MRPS27: variants seen among roughly 807,000 people sequenced by gnomAD.
MRPS27 encodes the protein small ribosomal subunit protein mS27.
In MRPS27, 43 loss-of-function variants were observed where a neutral mutation model predicts 48.9. That is an observed-to-expected ratio of 0.88 (90% confidence interval 0.69 to 1.13). The LOEUF (loss-of-function observed/expected upper bound fraction) is 1.13. MRPS27 is among the 50% of genes most tolerant of loss of function. The pLI is 0.00. For missense variants in MRPS27, 467 were observed against 476.3 expected, an observed-to-expected ratio of 0.98 and a Z score of 0.18; for synonymous variants, 188 against 171.9, an observed-to-expected ratio of 1.09 and a Z score of -0.73.
intron 4 of MRPS27, among the ~76,000 whole-genome samples, chr5:72,258,320 TG>T (rs1197507310): frequency 5.3e-5 from 8 of 152,198 alleles, no homozygotes; most frequent in African/African-American, 1.9e-4. Context: ...CTCTGATTTT[TG>T]TTTTTAGAGG....
chr5:72,251,535 A>G (rs915768204), intron 4 of MRPS27, among the ~76,000 whole-genome samples: 2 of 152,192 alleles, frequency 1.3e-5, no homozygotes, highest in Non-Finnish European at 2.9e-5. Context: ...TTATAATACA[A>G]TGGGGATTAT....
intron 4 of MRPS27, among the ~76,000 whole-genome samples, chr5:72,273,340 G>T (rs1749295229): frequency 6.6e-6 from 1 of 152,184 alleles, no homozygotes. Context: ...TGTGAAAACT[G>T]ATTATTTTCT....
intron 7 of MRPS27, chr5:72,229,183 G>T (rs1747982683): frequency 6.6e-6 from 1 of 152,136 alleles, no homozygotes; most frequent in South Asian, 2.1e-4. Flanking sequence ...TCAAAACATA[G>T]AACACTAAGC....
intron 4 of MRPS27, among the ~76,000 whole-genome samples, chr5:72,246,454 C>T (rs979793476): frequency 1.2e-4 from 18 of 152,148 alleles, no homozygotes; most frequent in East Asian, 7.7e-4. Flanking sequence ...AACAGACAAG[C>T]TGCTAGGAGA....
intron 4 of MRPS27, among the ~76,000 whole-genome samples, chr5:72,289,853 AGC>A (rs1749774039): frequency 6.6e-6 from 1 of 152,218 alleles, no homozygotes; most frequent in Admixed American, 6.5e-5. Flanking sequence ...TAGTAGAAGG[AGC>A]AAGTTTAATT....
At chr5:72,239,625 G>A (rs1444026070) in intron 4 of MRPS27, among the ~76,000 whole-genome samples, 1 of 152,156 alleles carries the variant, frequency 6.6e-6, no homozygotes, top group East Asian at 1.9e-4. Flanking sequence ...GCACAGAAAT[G>A]AAACAAAATA....
At chr5:72,275,351 T>TACAA (rs1749346340) in intron 4 of MRPS27, among the ~76,000 whole-genome samples, 1 of 152,146 alleles carries the variant, frequency 6.6e-6, no homozygotes, top group Non-Finnish European at 1.5e-5. Context: ...CAAGGAGAAC[T>TACAA]ACAAACCACT....
At chr5:72,279,626 C>T (rs554676797) in intron 4 of MRPS27, among the ~76,000 whole-genome samples, 2 of 152,090 alleles carry the variant, frequency 1.3e-5, no homozygotes, top group East Asian at 3.9e-4. Context: ...ATAACAACAA[C>T]AACAAAAACC....
intron 2 of MRPS27, among the ~76,000 whole-genome samples, chr5:72,308,305 G>T (rs1193603033): frequency 1.3e-5 from 2 of 152,248 alleles, no homozygotes; most frequent in East Asian, 1.9e-4. Context: ...CGGCTCAGGG[G>T]AGACGGCGCT....
intron 4 of MRPS27, among the ~76,000 whole-genome samples, chr5:72,290,573 C>G (rs184622746): frequency 6.6e-6 from 1 of 152,262 alleles, no homozygotes; most frequent in Admixed American, 6.5e-5. Flanking sequence ...GTTGGGTGTG[C>G]TCAGCCAATC....
At chr5:72,244,508 C>T (rs544375009) in intron 4 of MRPS27, among the ~76,000 whole-genome samples, 1 of 152,328 alleles carries the variant, frequency 6.6e-6, no homozygotes, top group South Asian at 2.1e-4. Context: ...CATGTCACCA[C>T]ATTATTCTCT....
chr5:72,286,494 T>C (rs1027875186), intron 4 of MRPS27, among the ~76,000 whole-genome samples: 1 of 152,174 alleles, frequency 6.6e-6, no homozygotes, highest in African/African-American at 2.4e-5. Flanking sequence ...AAAAATAGCC[T>C]TTTCAACAAG....
At chr5:72,245,796 G>T (rs1317188782) in intron 4 of MRPS27, among the ~76,000 whole-genome samples, 1 of 152,160 alleles carries the variant, frequency 6.6e-6, no homozygotes, top group Non-Finnish European at 1.5e-5. Context: ...TGAGATTACG[G>T]ATTTCTTTAG....
chr5:72,309,253 A>G (rs1219568476), intron 2 of MRPS27, among the ~76,000 whole-genome samples: 1 of 151,754 alleles, frequency 6.6e-6, no homozygotes, highest in African/African-American at 2.4e-5. Context: ...TCTCTATGTG[A>G]TATTTACTCA....
intron 4 of MRPS27, among the ~76,000 whole-genome samples, chr5:72,260,786 T>C (rs576320434): frequency 1.8e-4 from 28 of 152,364 alleles, no homozygotes; most frequent in East Asian, 9.6e-4. Flanking sequence ...CATGGAATGC[T>C]GAGTTGTGTT....
chr5:72,316,741 G>A (rs1243728139), intron 1 of MRPS27, among the ~76,000 whole-genome samples: 3 of 148,988 alleles, frequency 2.0e-5, no homozygotes, highest in Non-Finnish European at 3.0e-5. Flanking sequence ...TAAAAAAATA[G>A]AAAAACAGCC....
chr5:72,275,234 C>T (rs1476292080), intron 4 of MRPS27, among the ~76,000 whole-genome samples: 6 of 152,058 alleles, frequency 3.9e-5, no homozygotes, highest in African/African-American at 1.4e-4. Context: ...TATGTACCAA[C>T]AACACACAAG....
rs1210590140 is a variant in MRPS27 at position 72,320,204 on chromosome 5, C to G, written c.18G>C (p.Val6=). MAASI[V]RRGMLLARQV... ...GCCGCGCCAGGAGCATCCCGCGCCG[C>G]ACTATGGAGGCAGCCATCTTGGAGC... The change falls in exon 1 of 11, where the codon GTG becomes GTC. Residue 6 remains valine, a synonymous_variant. Transcript: ENST00000261413. 1 of 1,613,806 alleles carries G rather than the reference C, an allele frequency of 6.2e-7. No homozygotes were observed. Among genetic ancestry groups the G allele is most frequent in the Admixed American group, 1.7e-5 (1 of 59,994 alleles).
Position 72,228,308 on chromosome 5 carries a change from A to G in MRPS27, c.652T>C (p.Ser218Pro). Reference sequence around the variant, plus strand: ...TACAACTGGGAACTGAAACCCACTGAGTTCTTTTGTTTTAGGCCTGGAAGC... The same window carrying G: ...TACAACTGGGAACTGAAACCCACTGGGTTCTTTTGTTTTAGGCCTGGAAGC... Reference protein sequence around the residue: ...LLLPGLKQKNSVGFSSQLYGY... With the variant: ...LLLPGLKQKNPVGFSSQLYGY... The change falls in exon 8 of 11, where the codon TCA becomes CCA. Residue 218 changes from serine (S) to proline (P), a missense_variant. Transcript: ENST00000261413. 6.2e-7 allele frequency: 1 copy of G among 1,613,672 alleles called. No individual in the cohort carries two copies. The highest frequency in any genetic ancestry group is 8.5e-7 in the Non-Finnish European group (1 of 1,179,720).
Sources: gnomAD v4.1 joint callset for allele counts (sites outside exome capture counted in the v4.1 genomes callset) on GRCh38, gnomAD v4.1.1 for gene constraint, MANE v1.5 for transcripts, NCBI Gene and HGNC (gene_info 2026-07-23, HGNC 2026-07-21) for gene names.